Variants in CACNA2D3 observed in about 807,000 individuals in gnomAD.
CACNA2D3 encodes calcium voltage-gated channel auxiliary subunit alpha2delta 3, also known as voltage-dependent calcium channel subunit alpha-2/delta-3.
In CACNA2D3, 60 loss-of-function variants were observed where a neutral mutation model predicts 160.6. The ratio of observed to expected loss-of-function variants is 0.37; its 90% CI spans 0.30 to 0.46. The LOEUF (loss-of-function observed/expected upper bound fraction) is 0.46, where lower values mean the gene tolerates loss of function less well. CACNA2D3 is among the 20% of genes least tolerant of loss of function. The pLI is 1.00. For synonymous variants in CACNA2D3, 558 were observed against 492.9 expected (o/e 1.13, Z -1.75); for missense variants, 1,205 against 1,365.0 (o/e 0.88, Z 1.85).
At chr3:54,384,370 C>T (rs189489851) in intron 3 of CACNA2D3, among the ~76,000 whole-genome samples, 15 of 152,304 alleles carry the variant, frequency 9.8e-5, no homozygotes, top group Non-Finnish European at 1.5e-5. Context: ...TAACTGATTT[C>T]ATGATACATG....
At chr3:54,435,911 A>G (rs1056263550) in intron 4 of CACNA2D3, among the ~76,000 whole-genome samples, 2 of 152,254 alleles carry the variant, frequency 1.3e-5, no homozygotes, top group African/African-American at 2.4e-5. Flanking sequence ...AGTGGAAATT[A>G]TAGAAATGAA....
chr3:54,873,428 C>T (rs1575523227), intron 18 of CACNA2D3, among the ~76,000 whole-genome samples: 1 of 151,786 alleles, frequency 6.6e-6, no homozygotes, highest in South Asian at 2.1e-4. Context: ...CTCACTGAAT[C>T]GTCTCCCTTT....
chr3:54,400,600 G>A (rs533799504), intron 4 of CACNA2D3, among the ~76,000 whole-genome samples: 7 of 152,150 alleles, frequency 4.6e-5, no homozygotes, highest in African/African-American at 1.7e-4. Context: ...AACTCCTACA[G>A]CCTAGTCTAC....
At chr3:54,316,212 G>C (rs1446993013) in intron 2 of CACNA2D3, among the ~76,000 whole-genome samples, 1 of 152,104 alleles carries the variant, frequency 6.6e-6, no homozygotes, top group East Asian at 1.9e-4. Context: ...AAATTCTTTT[G>C]TACTGGAATA....
chr3:54,917,781 C>T (rs1033772268), intron 27 of CACNA2D3, among the ~76,000 whole-genome samples: 8 of 152,148 alleles, frequency 5.3e-5, no homozygotes, highest in South Asian at 2.1e-4. Flanking sequence ...CAGAAAACTT[C>T]CCCAGACTCA....
intron 4 of CACNA2D3, among the ~76,000 whole-genome samples, chr3:54,405,466 G>A (rs1221962551): frequency 6.6e-6 from 1 of 151,890 alleles, no homozygotes; most frequent in Non-Finnish European, 1.5e-5. Flanking sequence ...AAGACACAAT[G>A]GGGGAAAGAA....
intron 11 of CACNA2D3, among the ~76,000 whole-genome samples, chr3:54,726,998 T>C (rs1330930195): frequency 6.6e-6 from 1 of 152,152 alleles, no homozygotes; most frequent in East Asian, 1.9e-4. Flanking sequence ...TGGGAGAAGA[T>C]TTTTGCAATC....
intron 13 of CACNA2D3, among the ~76,000 whole-genome samples, chr3:54,791,296 A>G (rs557648345): frequency 2.0e-5 from 3 of 152,350 alleles, no homozygotes; most frequent in Admixed American, 2.0e-4. Flanking sequence ...CAGTAGGAAT[A>G]TAAAGGGTTC....
At chr3:54,890,815 G>C (rs1167116124) in intron 24 of CACNA2D3, among the ~76,000 whole-genome samples, 1 of 152,180 alleles carries the variant, frequency 6.6e-6, no homozygotes, top group Admixed American at 6.5e-5. Flanking sequence ...ATAAGCTGGG[G>C]CCCCCACAAC....
intron 11 of CACNA2D3, among the ~76,000 whole-genome samples, chr3:54,751,310 C>T (rs1343963777): frequency 6.6e-6 from 1 of 152,130 alleles, no homozygotes; most frequent in African/African-American, 2.4e-5. Context: ...ACTGACATTC[C>T]ATAATAATAA....
chr3:54,816,732 A>G, intron 13 of CACNA2D3, 121 bp from the exon 14 acceptor site: 2 of 1,052,064 alleles, frequency 1.9e-6, no homozygotes, highest in East Asian at 2.4e-5. Flanking sequence ...CCTCTTTTTC[A>G]CTTGTCTCCC....
chr3:54,896,334 T>C (rs1700187899), intron 25 of CACNA2D3, among the ~76,000 whole-genome samples: 1 of 152,196 alleles, frequency 6.6e-6, no homozygotes, highest in South Asian at 2.1e-4. Flanking sequence ...TTACACTTGC[T>C]CTAAGAAGAA....
At chr3:54,621,563 C>T (rs528750391) in intron 9 of CACNA2D3, among the ~76,000 whole-genome samples, 1 of 152,348 alleles carries the variant, frequency 6.6e-6, no homozygotes, top group South Asian at 2.1e-4. Context: ...TAAAATGGAA[C>T]TGTCACCATT....
intron 3 of CACNA2D3, among the ~76,000 whole-genome samples, chr3:54,337,926 C>T (rs1353538936): frequency 6.6e-6 from 1 of 152,262 alleles, no homozygotes; most frequent in Non-Finnish European, 1.5e-5. Flanking sequence ...GCCATGGACA[C>T]CCCTTTTTGG....
rs1311562315 is a variant in CACNA2D3, at chr3:54,887,945, G to C, written c.2057-14G>C. On this transcript the variant is annotated splice_polypyrimidine_tract_variant and intron_variant, in intron 23 of 37. Coordinates refer to ENST00000474759, the MANE Select transcript of CACNA2D3 (RefSeq NM_018398.3). ...GCCCTGCTGAAGCATCCTCTTGTCT[G>C]TCCCTCCCAACAGGTGATAAAGAAT... is the stretch of plus-strand genomic sequence containing the variant. 1 of 1,609,558 alleles carries C rather than the reference G, an allele frequency of 6.2e-7. No homozygotes were observed. The highest frequency in any genetic ancestry group is 2.2e-5 in the East Asian group (1 of 44,856).
At chr3:55,050,967 G>A (rs1704188266) in intron 35 of CACNA2D3, among the ~76,000 whole-genome samples, 1 of 137,814 alleles carries the variant, frequency 7.3e-6, no homozygotes, top group African/African-American at 2.8e-5. Context: ...GCTCCTTTAA[G>A]CACTTCTCTG....
chr3:54,590,376 C>T (rs528075426), intron 9 of CACNA2D3, among the ~76,000 whole-genome samples: 27 of 152,106 alleles, frequency 1.8e-4, no homozygotes, highest in African/African-American at 6.0e-4. Flanking sequence ...CTTGAAATGA[C>T]AAGTTTAATA....
intron 11 of CACNA2D3, among the ~76,000 whole-genome samples, chr3:54,713,655 G>GT (rs1700996338): frequency 6.6e-6 from 1 of 152,168 alleles, no homozygotes. Context: ...TTCACACAAC[G>GT]TAAGTGCTTG....
chr3:54,896,310 C>T (rs1040273901), intron 25 of CACNA2D3, among the ~76,000 whole-genome samples: 1 of 152,126 alleles, frequency 6.6e-6, no homozygotes, highest in African/African-American at 2.4e-5. Context: ...TTCTGAGAAG[C>T]GTGTTTACCT....
Sources: gnomAD v4.1 joint callset for allele counts (sites outside exome capture counted in the v4.1 genomes callset) on GRCh38, gnomAD v4.1.1 for gene constraint, MANE v1.5 for transcripts, NCBI Gene and HGNC (gene_info 2026-07-23, HGNC 2026-07-21) for gene names.